Variants in EDIL3 observed in about 807,000 individuals in gnomAD.
EDIL3 encodes the protein EGF like and discoidin domains 3.
EDIL3 carries 37 observed loss-of-function variants against 67.4 expected under a neutral mutation model. The ratio of observed to expected loss-of-function variants is 0.55; its 90% confidence interval spans 0.42 to 0.72. The LOEUF is 0.72. EDIL3 is among the 30% of genes least tolerant of loss of function. EDIL3 has a pLI of 0.00. For missense variants in EDIL3, 527 were observed against 586.3 expected (o/e 0.90, Z 1.04); for synonymous variants, 195 against 196.3 (o/e 0.99, Z 0.05).
intron 4 of EDIL3, among the ~76,000 whole-genome samples, chr5:84,158,473 G>C (rs1291764170): frequency 1.3e-5 from 2 of 151,936 alleles, no homozygotes; most frequent in African/African-American, 4.8e-5. Flanking sequence ...CTACAAAATA[G>C]AATACATCAA....
At chr5:84,074,499 C>A in intron 6 of EDIL3, among the ~76,000 whole-genome samples, 1 of 151,978 alleles carries the variant, frequency 6.6e-6, no homozygotes, top group African/African-American at 2.4e-5. Flanking sequence ...AACAAATTTA[C>A]AAGAAAAAAA....
chr5:84,262,532 T>C (rs930506375), intron 1 of EDIL3, among the ~76,000 whole-genome samples: 12 of 151,926 alleles, frequency 7.9e-5, no homozygotes, highest in African/African-American at 2.9e-4. Context: ...TTAGGGAAAA[T>C]AGAATAGCTA....
At chr5:84,218,890 C>A (rs1744284071) in intron 3 of EDIL3, among the ~76,000 whole-genome samples, 1 of 152,176 alleles carries the variant, frequency 6.6e-6, no homozygotes, top group Non-Finnish European at 1.5e-5. Flanking sequence ...GCCAGCTCAG[C>A]CACAGCAGAA....
chr5:84,378,677 G>C (rs770586950), intron 1 of EDIL3, among the ~76,000 whole-genome samples: 10 of 152,154 alleles, frequency 6.6e-5, no homozygotes, highest in Non-Finnish European at 7.4e-5. Flanking sequence ...CAGCTATGTG[G>C]TATGTGGATG....
intron 10 of EDIL3, among the ~76,000 whole-genome samples, chr5:83,962,636 C>G (rs1438447824): frequency 6.6e-6 from 1 of 151,362 alleles, no homozygotes; most frequent in Non-Finnish European, 1.5e-5. Context: ...TAAAACAAAC[C>G]TATGAATTAA....
chr5:84,254,013 C>T, intron 2 of EDIL3, 71 bp downstream of exon 2: 1 of 1,489,966 alleles, frequency 6.7e-7, no homozygotes, highest in South Asian at 1.5e-5. Context: ...CCATAATGCA[C>T]CACAGCCAAA....
At chr5:84,183,532 C>A (rs1749050953) in intron 3 of EDIL3, among the ~76,000 whole-genome samples, 1 of 152,114 alleles carries the variant, frequency 6.6e-6, no homozygotes, top group Admixed American at 6.5e-5. Flanking sequence ...CTTAATCCAA[C>A]TTTCCAGTTT....
chr5:83,963,040 C>A (rs1364082045), intron 10 of EDIL3, among the ~76,000 whole-genome samples, 165 bp downstream of exon 10: 2 of 151,662 alleles, frequency 1.3e-5, no homozygotes, highest in Non-Finnish European at 3.0e-5. Context: ...TACCAGACTG[C>A]AACCCCTTTA....
chr5:84,120,558 AT>A (rs980925731), intron 5 of EDIL3, among the ~76,000 whole-genome samples: 2 of 151,916 alleles, frequency 1.3e-5, no homozygotes, highest in Admixed American at 1.3e-4. Context: ...AAAAAGAGCA[AT>A]TTTTTTCCGT....
At chr5:84,198,987 C>T (rs1183762968) in intron 3 of EDIL3, among the ~76,000 whole-genome samples, 1 of 152,002 alleles carries the variant, frequency 6.6e-6, no homozygotes, top group Admixed American at 6.6e-5. Context: ...GAACAAATTG[C>T]AACTTTAATT....
Position 83,963,550 on chromosome 5 carries a change from G to A in EDIL3, c.1138-190C>T, listed in dbSNP as rs1245341095. ...TTGATATTGCCACTGGGTTAATGTA[G>A]TGCAAGACTCCTTGAACAACCATTT... On this transcript the variant is annotated intron_variant, in intron 9 of 10. Coordinates refer to ENST00000296591, the MANE Select transcript of EDIL3 (RefSeq NM_005711.5). 2.0e-5 allele frequency among the ~76,000 whole-genome samples: 3 copies of A among 151,456 alleles called. No homozygotes were observed. In the Admixed American group the frequency reaches 2.0e-4, roughly 10 times the overall value.
chr5:83,960,507 T>C (rs1235072579), intron 10 of EDIL3, among the ~76,000 whole-genome samples: 1 of 150,982 alleles, frequency 6.6e-6, no homozygotes, highest in Non-Finnish European at 1.5e-5. Context: ...ACCCCAAATA[T>C]GCACAAGTAT....
At chr5:84,357,001 T>C (rs1747502382) in intron 1 of EDIL3, among the ~76,000 whole-genome samples, 1 of 143,728 alleles carries the variant, frequency 7.0e-6, no homozygotes, top group Admixed American at 7.2e-5. Flanking sequence ...CTCGGCTCAC[T>C]GAAACCTCTG....
At chr5:84,197,224 T>G (rs1285839250) in intron 3 of EDIL3, among the ~76,000 whole-genome samples, 1 of 151,982 alleles carries the variant, frequency 6.6e-6, no homozygotes, top group Non-Finnish European at 1.5e-5. Context: ...ACTTCAATAT[T>G]ATGAAATGAG....
At chr5:84,371,487 A>C (rs1235492040) in intron 1 of EDIL3, among the ~76,000 whole-genome samples, 1 of 149,276 alleles carries the variant, frequency 6.7e-6, no homozygotes, top group East Asian at 1.9e-4. Flanking sequence ...AAAGAGAGAG[A>C]GAGAGAGAAA....
chr5:84,167,746 C>T (rs1053212742), intron 4 of EDIL3, among the ~76,000 whole-genome samples: 2 of 151,986 alleles, frequency 1.3e-5, no homozygotes, highest in Admixed American at 1.3e-4. Flanking sequence ...CCAAGGAAAC[C>T]AAGACCTGTT....
At chr5:84,127,051 T>C (rs1304808349) in intron 5 of EDIL3, among the ~76,000 whole-genome samples, 1 of 152,118 alleles carries the variant, frequency 6.6e-6, no homozygotes, top group African/African-American at 2.4e-5. Flanking sequence ...GCAAATTTTC[T>C]TTTGAACAAA....
intron 9 of EDIL3, among the ~76,000 whole-genome samples, chr5:83,969,009 T>C (rs970660645): frequency 2.0e-5 from 3 of 151,832 alleles, no homozygotes; most frequent in Admixed American, 2.0e-4. Flanking sequence ...TCAAACATGT[T>C]TTCAGACAAA....
intron 2 of EDIL3, among the ~76,000 whole-genome samples, chr5:84,243,927 TA>T (rs2112062786): frequency 6.6e-6 from 1 of 152,352 alleles, no homozygotes; most frequent in African/African-American, 2.4e-5. Flanking sequence ...CCATGTACTT[TA>T]AGCATATGGA....
Sources: allele counts gnomAD v4.1 joint callset (sites outside exome capture counted in the v4.1 genomes callset), GRCh38; gene constraint gnomAD v4.1.1; transcripts MANE v1.5; gene names NCBI Gene and HGNC (gene_info 2026-07-23, HGNC 2026-07-21).